SLC4A10: variants seen among roughly 807,000 people sequenced by gnomAD.
The protein encoded by SLC4A10 is solute carrier family 4 member 10, also known as sodium-driven chloride bicarbonate exchanger.
In SLC4A10, 42 loss-of-function variants were observed where a neutral mutation model predicts 137.7. That is an observed-to-expected ratio of 0.30 (90% CI 0.24 to 0.39). The LOEUF (loss-of-function observed/expected upper bound fraction) is 0.39. Ranked by LOEUF, SLC4A10 falls within the 10% of genes least tolerant of loss-of-function variation. The probability of loss-of-function intolerance (pLI) is 1.00; values close to 1 mark genes in which losing one functional copy is unlikely to be tolerated. For synonymous variants in SLC4A10, 474 were observed against 464.1 expected (o/e 1.02, Z -0.27); for missense variants, 925 against 1,355.0 (o/e 0.68, Z 4.98).
At position 161,882,014 on chromosome 2, in the gene SLC4A10, G is replaced by A. The variant is rs150526631; in HGVS notation, c.1107-343G>A. Among the ~76,000 whole-genome samples, 659 of 151,738 alleles carry A rather than the reference G, an allele frequency of 4.3e-3. 5 individuals are homozygous for A. Among genetic ancestry groups the A allele is most frequent in the Non-Finnish European group, 7.7e-3 (525 of 67,876 alleles). On this transcript the variant is annotated intron_variant, in intron 9 of 26. Transcript: ENST00000446997. ...GTTTTCTTCCTTCCAATTTAGAAAG[G>A]TCTAATCAGATTTTACTTTTCCCAC...
intron 15 of SLC4A10, among the ~76,000 whole-genome samples, chr2:161,924,591 C>T (rs1482292495): frequency 6.6e-6 from 1 of 151,902 alleles, no homozygotes; most frequent in Non-Finnish European, 1.5e-5. Flanking sequence ...AACATATTTT[C>T]CACTTTGGAA....
At chr2:161,712,289 C>T (rs1278100495) in intron 1 of SLC4A10, among the ~76,000 whole-genome samples, 1 of 151,602 alleles carries the variant, frequency 6.6e-6, no homozygotes, top group Non-Finnish European at 1.5e-5. Flanking sequence ...TGTATTACAC[C>T]AACTACTTTA....
At chr2:161,660,209 A>G (rs1220187570) in intron 1 of SLC4A10, among the ~76,000 whole-genome samples, 1 of 152,240 alleles carries the variant, frequency 6.6e-6, no homozygotes, top group Non-Finnish European at 1.5e-5. Flanking sequence ...AAAGAATTGC[A>G]TGACATTCTA....
At chr2:161,979,047 G>A (rs768072603) in intron 26 of SLC4A10, among the ~76,000 whole-genome samples, 48 of 152,080 alleles carry the variant, frequency 3.2e-4, no homozygotes, top group African/African-American at 1.0e-3. Flanking sequence ...TGAAAAATAC[G>A]ACATTTCTCT....
intron 1 of SLC4A10, among the ~76,000 whole-genome samples, chr2:161,632,269 G>A (rs1196777958): frequency 6.6e-6 from 1 of 151,640 alleles, no homozygotes; most frequent in African/African-American, 2.4e-5. Context: ...GCTCTGCTTA[G>A]GAAGCGTATT....
At chr2:161,940,041 A>G (rs1432882216) in intron 15 of SLC4A10, among the ~76,000 whole-genome samples, 1 of 152,182 alleles carries the variant, frequency 6.6e-6, no homozygotes, top group African/African-American at 2.4e-5. Flanking sequence ...GGTAAAAGTA[A>G]TTTTAAAAGG....
At chr2:161,654,132 T>C (rs2105617669) in intron 1 of SLC4A10, among the ~76,000 whole-genome samples, 1 of 152,348 alleles carries the variant, frequency 6.6e-6, no homozygotes. Flanking sequence ...TGATGATTAG[T>C]GACAATGACC....
In SLC4A10 at chr2:161,736,595, A is replaced by G. The variant is rs1461227579; in HGVS notation, c.49-34378A>G. Reference sequence around the variant, plus strand: ...CTGAGCAAAGGGGGAAAAGCCCATTATAAAACCATCAGATCTTGTGAGAAC... The same window carrying G: ...CTGAGCAAAGGGGGAAAAGCCCATTGTAAAACCATCAGATCTTGTGAGAAC... On this transcript the variant is annotated intron_variant, in intron 1 of 26. Transcript: ENST00000446997. 2.0e-5 allele frequency among the ~76,000 whole-genome samples: 3 copies of G among 152,134 alleles called. No homozygotes were observed. The East Asian group carries it at 5.8e-4, about 29-fold the overall frequency.
intron 1 of SLC4A10, among the ~76,000 whole-genome samples, chr2:161,716,526 C>G (rs2044897678): frequency 6.6e-6 from 1 of 151,980 alleles, no homozygotes. Context: ...AGGAAAAGGT[C>G]CATTTTCAAT....
chr2:161,668,047 G>A (rs1308661203), intron 1 of SLC4A10, among the ~76,000 whole-genome samples: 1 of 151,736 alleles, frequency 6.6e-6, no homozygotes, highest in African/African-American at 2.4e-5. Flanking sequence ...AGCAATGCTG[G>A]CACATGGTGT....
chr2:161,863,977 G>A (rs893499596), intron 6 of SLC4A10, among the ~76,000 whole-genome samples: 1 of 152,076 alleles, frequency 6.6e-6, no homozygotes, highest in East Asian at 1.9e-4. Context: ...CGAGGCGGGC[G>A]GATCAAGAGG....
intron 1 of SLC4A10, among the ~76,000 whole-genome samples, chr2:161,652,538 G>A (rs1331882350): frequency 6.6e-6 from 1 of 152,130 alleles, no homozygotes; most frequent in Non-Finnish European, 1.5e-5. Context: ...AGGGCTTAAA[G>A]TGATACAGGA....
chr2:161,876,343 C>T (rs1243998235), intron 8 of SLC4A10, among the ~76,000 whole-genome samples: 4 of 152,072 alleles, frequency 2.6e-5, no homozygotes, highest in Non-Finnish European at 5.9e-5. Context: ...TATAAGAGGT[C>T]ACATTCAGGT....
chr2:161,849,919 T>C (rs1343469049), intron 4 of SLC4A10, among the ~76,000 whole-genome samples: 1 of 152,136 alleles, frequency 6.6e-6, no homozygotes, highest in Non-Finnish European at 1.5e-5. Flanking sequence ...TAGAATGAAT[T>C]GGACAGGAGC....
Position 161,639,335 on chromosome 2 carries a change from A to G in SLC4A10, c.48+14769A>G, listed in dbSNP as rs191997842. On this transcript the variant is annotated intron_variant, in intron 1 of 26. Transcript: ENST00000446997. Reference sequence around the variant, plus strand: ...AAGGACACAACAAAATAAGAAAACTACAGACCAATATCCCTGATGAACATA... The same window carrying G: ...AAGGACACAACAAAATAAGAAAACTGCAGACCAATATCCCTGATGAACATA... 2.6e-5 allele frequency among the ~76,000 whole-genome samples: 4 copies of G among 152,248 alleles called. No homozygotes were observed. In the East Asian group the frequency reaches 5.8e-4, roughly 22 times the overall value.
chr2:161,743,292 T>G (rs1399893278), intron 1 of SLC4A10, among the ~76,000 whole-genome samples: 1 of 152,226 alleles, frequency 6.6e-6, no homozygotes, highest in African/African-American at 2.4e-5. Flanking sequence ...ATTTGATTTT[T>G]GTATATGACA....
chr2:161,928,055 A>G (rs1165804657), intron 15 of SLC4A10, among the ~76,000 whole-genome samples: 3 of 147,750 alleles, frequency 2.0e-5, no homozygotes, highest in African/African-American at 5.0e-5. Flanking sequence ...TCATGCTGCT[A>G]TAAAGACACA....
At position 161,817,716 on chromosome 2, in the gene SLC4A10, G is replaced by A. The variant is rs527254186; in HGVS notation, c.277+13121G>A. On this transcript the variant is annotated intron_variant, in intron 3 of 26. Coordinates refer to ENST00000446997, the MANE Select transcript of SLC4A10 (RefSeq NM_001178015.2). ...TACCTATGGCTAGCCAGTTTTCCCAGCACCATTTATTAAATAGGGAATTCT... is the reference window on the plus strand; with the variant it reads ...TACCTATGGCTAGCCAGTTTTCCCAACACCATTTATTAAATAGGGAATTCT... 3.9e-5 allele frequency among the ~76,000 whole-genome samples: 6 copies of A among 152,186 alleles called. No homozygotes were observed. The South Asian group carries it at 1.2e-3, about 32-fold the overall frequency.
intron 15 of SLC4A10, among the ~76,000 whole-genome samples, chr2:161,937,252 T>C (rs1325706866): frequency 6.6e-6 from 1 of 152,202 alleles, no homozygotes; most frequent in Non-Finnish European, 1.5e-5. Context: ...GGACCTTAAA[T>C]GATGGCAGCA....
Sources: allele counts gnomAD v4.1 joint callset (sites outside exome capture counted in the v4.1 genomes callset), GRCh38; gene constraint gnomAD v4.1.1; transcripts MANE v1.5; gene names NCBI Gene and HGNC (gene_info 2026-07-23, HGNC 2026-07-21).